The following MYO16 variants were observed in gnomAD, a reference collection of about 807,000 sequenced individuals.
The protein encoded by MYO16 is myosin XVI.
A neutral mutation model predicts 205.3 loss-of-function variants in MYO16; 94 were observed. The observed-to-expected ratio is 0.46, with a 90% CI of 0.39 to 0.54. The LOEUF is 0.54. Ranked by LOEUF, MYO16 falls within the 20% of genes least tolerant of loss-of-function variation. MYO16 has a pLI of 0.00. For missense variants in MYO16, 2,315 were observed against 2,387.5 expected, an observed-to-expected ratio of 0.97 and a Z score of 0.63; for synonymous variants, 988 against 954.0, an observed-to-expected ratio of 1.04 and a Z score of -0.66.
At chr13:108,649,241 T>C (rs1285696417) in intron 1 of MYO16, among the ~76,000 whole-genome samples, 2 of 152,090 alleles carry the variant, frequency 1.3e-5, no homozygotes, top group East Asian at 1.9e-4. Flanking sequence ...AATTCCAGTG[T>C]CCATTTATCA....
At chr13:109,198,182 TA>T (rs57217476) in intron 34 of MYO16, among the ~76,000 whole-genome samples, 1 of 151,976 alleles carries the variant, frequency 6.6e-6, no homozygotes, top group African/African-American at 2.4e-5. Context: ...TACAAAGACA[TA>T]AAAAAATCTC....
chr13:108,734,440 A>G (rs1174588488), intron 4 of MYO16, among the ~76,000 whole-genome samples: 1 of 152,182 alleles, frequency 6.6e-6, no homozygotes, highest in Admixed American at 6.5e-5. Context: ...ATGTTTAAAG[A>G]TAATCATATT....
intron 7 of MYO16, among the ~76,000 whole-genome samples, chr13:108,810,947 T>C (rs1887272943): frequency 6.6e-6 from 1 of 152,218 alleles, no homozygotes; most frequent in Non-Finnish European, 1.5e-5. Context: ...AAAGAGATGC[T>C]TGTTCTTTCA....
intron 8 of MYO16, among the ~76,000 whole-genome samples, chr13:108,821,381 C>A (rs414033): frequency 2.6e-5 from 4 of 152,194 alleles, no homozygotes; most frequent in Non-Finnish European, 4.4e-5. Flanking sequence ...AGAAATTTTA[C>A]ACAGCTTAAT....
intron 33 of MYO16, among the ~76,000 whole-genome samples, chr13:109,178,919 G>A (rs574402592): frequency 9.2e-5 from 14 of 152,310 alleles, no homozygotes; most frequent in East Asian, 7.7e-4. Flanking sequence ...GTAACTTCGC[G>A]TTGTTGAGGG....
chr13:108,608,261 G>A (rs1217572020), intron 1 of MYO16, among the ~76,000 whole-genome samples: 1 of 152,076 alleles, frequency 6.6e-6, no homozygotes, highest in Non-Finnish European at 1.5e-5. Context: ...GTAGCTCCTG[G>A]TGGCATGGCT....
chr13:108,592,278 G>T (rs1174672712), upstream of MYO16, among the ~76,000 whole-genome samples: 1 of 129,270 alleles, frequency 7.7e-6, no homozygotes, highest in Non-Finnish European at 1.7e-5. Context: ...TGGGTGTGTG[G>T]GGGGCTGTGT....
intron 20 of MYO16, among the ~76,000 whole-genome samples, chr13:108,985,785 G>C (rs1043033947): frequency 2.6e-5 from 4 of 152,212 alleles, no homozygotes; most frequent in African/African-American, 9.6e-5. Context: ...GCATTTAAGT[G>C]CTTCTCATTT....
chr13:108,898,166 G>A (rs759328056), intron 15 of MYO16, 33 bp downstream of exon 15: 4 of 1,538,184 alleles, frequency 2.6e-6, no homozygotes, highest in African/African-American at 2.7e-5. Flanking sequence ...TGGATTTCCT[G>A]TGCCGAGCCA....
At chr13:108,566,808 G>C in the MYO16 span, among the ~76,000 whole-genome samples, 1 of 151,482 alleles carries the variant, frequency 6.6e-6, no homozygotes, top group East Asian at 1.9e-4. Flanking sequence ...TAATTGAGTG[G>C]GTGTTTAACT....
At chr13:108,908,215 A>G (rs1242006457) in intron 15 of MYO16, among the ~76,000 whole-genome samples, 1 of 152,180 alleles carries the variant, frequency 6.6e-6, no homozygotes. Context: ...TAATTTTACC[A>G]TCACCTTTGG....
the MYO16 span, among the ~76,000 whole-genome samples, chr13:108,513,208 T>G: frequency 1.2e-5 from 1 of 86,672 alleles, no homozygotes; most frequent in African/African-American, 7.7e-5. Context: ...CTTGGGAGAG[T>G]GTATGTGTCG....
chr13:108,963,371 C>T (rs1013670636), intron 19 of MYO16, among the ~76,000 whole-genome samples: 35 of 152,134 alleles, frequency 2.3e-4, no homozygotes, highest in Admixed American at 1.9e-3. Flanking sequence ...CACTCAGTTG[C>T]CCAAAAGTTA....
chr13:108,928,352 C>T (rs1367852781), intron 16 of MYO16, among the ~76,000 whole-genome samples: 1 of 152,176 alleles, frequency 6.6e-6, no homozygotes, highest in Non-Finnish European at 1.5e-5. Flanking sequence ...CATTATATTA[C>T]ATGATGTAGT....
intron 3 of MYO16, among the ~76,000 whole-genome samples, chr13:108,725,534 C>G (rs1884307829): frequency 6.6e-6 from 1 of 152,092 alleles, no homozygotes; most frequent in South Asian, 2.1e-4. Context: ...TCCACTGAAG[C>G]AAAACACATC....
At chr13:108,653,251 TGAGTTCTAA>T (rs1881092533) in intron 1 of MYO16, among the ~76,000 whole-genome samples, 1 of 152,228 alleles carries the variant, frequency 6.6e-6, no homozygotes, top group Non-Finnish European at 1.5e-5. Context: ...TTTTTGTTGC[TGAGTTCTAA>T]GAGTTCTTTA....
At chr13:109,000,989 GAATAA>G (rs1253041204) in intron 21 of MYO16, among the ~76,000 whole-genome samples, 1 of 151,764 alleles carries the variant, frequency 6.6e-6, no homozygotes, top group African/African-American at 2.4e-5. Flanking sequence ...CTGAGTAACA[GAATAA>G]AATAAAAGTT....
intron 16 of MYO16, among the ~76,000 whole-genome samples, chr13:108,918,955 A>C (rs1340815714): frequency 2.0e-3 from 1 of 488 alleles, no homozygotes; most frequent in African/African-American, 0.016. Flanking sequence ...AAAACAGAAC[A>C]AAAAAAAAAA....
chr13:108,650,821 G>A (rs888931129), intron 1 of MYO16, among the ~76,000 whole-genome samples: 3 of 152,252 alleles, frequency 2.0e-5, no homozygotes, highest in African/African-American at 7.2e-5. Context: ...GAAAAGACAG[G>A]TTCTGGTGTG....
Sources: allele counts gnomAD v4.1 joint callset (sites outside exome capture counted in the v4.1 genomes callset), GRCh38; gene constraint gnomAD v4.1.1; transcripts MANE v1.5; gene names NCBI Gene and HGNC (gene_info 2026-07-23, HGNC 2026-07-21).